SUPT3H: variants seen among roughly 807,000 people sequenced by gnomAD.
SUPT3H encodes the protein transcription initiation protein SPT3 homolog.
Under a neutral mutation model 44.3 loss-of-function variants are expected in SUPT3H, and 44 were observed. That is an observed-to-expected ratio of 0.99 (90% CI 0.78 to 1.28). SUPT3H has a LOEUF of 1.28. Ranked by LOEUF, SUPT3H falls within the 50% of genes most tolerant of loss-of-function variation. The pLI, the probability that SUPT3H is intolerant of heterozygous loss-of-function variation, is 0.00. For synonymous variants in SUPT3H, 124 were observed against 125.6 expected, an observed-to-expected ratio of 0.99 and a Z score of 0.09; for missense variants, 380 against 387.1, an observed-to-expected ratio of 0.98 and a Z score of 0.15.
chr6:45,158,298 A>ATATATATATATATATATATATTTTTT, intron 2 of SUPT3H, among the ~76,000 whole-genome samples: 2 of 99,688 alleles, frequency 2.0e-5, no homozygotes, highest in African/African-American at 1.0e-4. Flanking sequence ...ATATATATAT[A>ATATATATATATATATATATATTTTTT]TTTTTTTTTT....
intron 10 of SUPT3H, among the ~76,000 whole-genome samples, chr6:44,860,171 G>A (rs1774402226): frequency 1.3e-5 from 2 of 152,172 alleles, no homozygotes. Context: ...TAGAATTTCA[G>A]TGAAGCCATT....
intron 6 of SUPT3H, among the ~76,000 whole-genome samples, chr6:44,999,082 G>T (rs1316210609): frequency 2.0e-5 from 3 of 151,558 alleles, no homozygotes; most frequent in African/African-American, 7.3e-5. Context: ...TTTAACTTCC[G>T]TTATTACTTT....
rs1220880444 is a variant in SUPT3H at position 45,205,442 on chromosome 6, C to A, written c.102-99436G>T. 5.3e-5 allele frequency among the ~76,000 whole-genome samples: 8 copies of A among 152,066 alleles called. No homozygotes were observed. In the East Asian group the frequency reaches 1.2e-3, roughly 22 times the overall value. ...TACATAATATAAAATTCCTGAAATT[C>A]TGATAAACTTTATATAATGTATAGC... On this transcript the variant is annotated intron_variant, in intron 2 of 10. Transcript: ENST00000371459.
intron 2 of SUPT3H, among the ~76,000 whole-genome samples, chr6:45,187,102 A>G: frequency 2.6e-4 from 1 of 3,828 alleles, no homozygotes; most frequent in African/African-American, 1.4e-3. Flanking sequence ...TTTCGCCTTT[A>G]AAAAAAAAAA....
chr6:44,898,128 T>C (rs1764386412), intron 10 of SUPT3H, among the ~76,000 whole-genome samples: 1 of 152,194 alleles, frequency 6.6e-6, no homozygotes, highest in South Asian at 2.1e-4. Flanking sequence ...TTGAGGCCTT[T>C]TGTTAACTTG....
At position 45,350,992 on chromosome 6, in the gene SUPT3H, C is replaced by T. The variant is rs375785259; in HGVS notation, c.101+14209G>A. On this transcript the variant is annotated intron_variant, in intron 2 of 10. Transcript: ENST00000371459. ...CTCCGACCCTATAGTGAACTGCACA[C>T]GCGAAGGATCTAAGTTCTGCGCTCC... 4.6e-5 allele frequency among the ~76,000 whole-genome samples: 7 copies of T among 152,192 alleles called. No individual in the cohort carries two copies. The East Asian group carries it at 1.2e-3, about 25-fold the overall frequency.
intron 3 of SUPT3H, among the ~76,000 whole-genome samples, chr6:45,102,138 T>C (rs1354993668): frequency 2.0e-5 from 3 of 152,076 alleles, no homozygotes; most frequent in Non-Finnish European, 2.9e-5. Context: ...TTTATGTAAT[T>C]TCAACAAAAA....
At chr6:44,876,960 C>G (rs921663858) in intron 10 of SUPT3H, among the ~76,000 whole-genome samples, 1 of 151,844 alleles carries the variant, frequency 6.6e-6, no homozygotes, top group Non-Finnish European at 1.5e-5. Flanking sequence ...TTGTAACCTA[C>G]TTAGAAATGC....
At chr6:44,952,646 T>C (rs1227941799) in intron 9 of SUPT3H, among the ~76,000 whole-genome samples, 1 of 152,236 alleles carries the variant, frequency 6.6e-6, no homozygotes, top group Non-Finnish European at 1.5e-5. Flanking sequence ...GGTCGAATAT[T>C]GGCAAATACA....
At chr6:44,926,350 A>T (rs1769517444) in intron 10 of SUPT3H, among the ~76,000 whole-genome samples, 1 of 152,098 alleles carries the variant, frequency 6.6e-6, no homozygotes, top group African/African-American at 2.4e-5. Flanking sequence ...AACTACATAA[A>T]ATCCTATATA....
In SUPT3H at chr6:45,034,484, T is replaced by A. The variant is rs116174616; in HGVS notation, c.187-13852A>T. Reference sequence around the variant, plus strand: ...ATCAAGAACAGCCTCACCAGGGCCATTTTCCACTTAAAACACTTAAAGCAG... The same window carrying A: ...ATCAAGAACAGCCTCACCAGGGCCAATTTCCACTTAAAACACTTAAAGCAG... On this transcript the variant is annotated intron_variant, in intron 3 of 10. Coordinates refer to ENST00000371459, the MANE Select transcript of SUPT3H (RefSeq NM_003599.4). Among the ~76,000 whole-genome samples the A allele has an allele frequency of 5.3e-3, 805 of 152,302 alleles. 4 individuals carry two copies. Among genetic ancestry groups the A allele is most frequent in the Non-Finnish European group, 7.2e-3 (489 of 68,014 alleles).
chr6:45,309,098 A>T (rs1783567706), intron 2 of SUPT3H, among the ~76,000 whole-genome samples: 1 of 151,828 alleles, frequency 6.6e-6, no homozygotes, highest in Non-Finnish European at 1.5e-5. Flanking sequence ...AAATAAATGG[A>T]GAAAGGATTA....
intron 2 of SUPT3H, among the ~76,000 whole-genome samples, chr6:45,273,774 T>C (rs1776584465): frequency 6.6e-6 from 1 of 152,218 alleles, no homozygotes; most frequent in Non-Finnish European, 1.5e-5. Flanking sequence ...GCTACAAACA[T>C]CATGTACAAA....
At chr6:45,335,184 C>G (rs568210146) in intron 2 of SUPT3H, among the ~76,000 whole-genome samples, 1 of 151,250 alleles carries the variant, frequency 6.6e-6, no homozygotes, top group South Asian at 2.1e-4. Context: ...AATTAACTTT[C>G]TTTTTAAATT....
chr6:44,890,349 G>A (rs1332840750), intron 10 of SUPT3H, among the ~76,000 whole-genome samples: 1 of 151,472 alleles, frequency 6.6e-6, no homozygotes, highest in East Asian at 1.9e-4. Context: ...GCAAAGACTT[G>A]GAACCAACCC....
chr6:44,813,687 G>A (rs1445994190), intron 11 of SUPT3H, among the ~76,000 whole-genome samples: 1 of 149,156 alleles, frequency 6.7e-6, no homozygotes, highest in Non-Finnish European at 1.5e-5. Flanking sequence ...ATCAAATGGT[G>A]ATGGTATAAT....
chr6:44,952,955 C>A (rs1774536435), intron 9 of SUPT3H, among the ~76,000 whole-genome samples: 2 of 152,066 alleles, frequency 1.3e-5, no homozygotes, highest in African/African-American at 2.4e-5. Flanking sequence ...ATAATGATAA[C>A]CCTCTTATCT....
At chr6:45,255,012 T>C (rs1041813065) in intron 2 of SUPT3H, among the ~76,000 whole-genome samples, 2 of 152,208 alleles carry the variant, frequency 1.3e-5, no homozygotes, top group Non-Finnish European at 2.9e-5. Flanking sequence ...GCACCACTTG[T>C]GGGCAAATAA....
chr6:44,907,927 A>G lies in SUPT3H; in HGVS notation c.912+24726T>C, dbSNP rs186302209. ...AAACTTGCTTAGTTACTTTCTGAAG[A>G]TAAGTTTTGATGATGTGGCTCTGAC... On this transcript the variant is annotated intron_variant, in intron 10 of 10. Coordinates refer to ENST00000371459, the MANE Select transcript of SUPT3H (RefSeq NM_003599.4). 1.5e-3 allele frequency among the ~76,000 whole-genome samples: 228 copies of G among 152,266 alleles called. 4 individuals are homozygous for G. The highest frequency in any genetic ancestry group is 0.015 in the Admixed American group (223 of 15,286).
Sources: gnomAD v4.1 joint callset for allele counts (sites outside exome capture counted in the v4.1 genomes callset) on GRCh38, gnomAD v4.1.1 for gene constraint, MANE v1.5 for transcripts, NCBI Gene and HGNC (gene_info 2026-07-23, HGNC 2026-07-21) for gene names.